SIPA1L3: variants seen among roughly 807,000 people sequenced by gnomAD.
The protein encoded by SIPA1L3 is signal-induced proliferation-associated 1-like protein 3.
Under a neutral mutation model 150.1 loss-of-function variants are expected in SIPA1L3, and 59 were observed. The ratio of observed to expected loss-of-function variants is 0.39; its 90% CI spans 0.32 to 0.49. SIPA1L3 has a LOEUF of 0.49. Ranked by LOEUF, SIPA1L3 falls within the 20% of genes least tolerant of loss-of-function variation. The probability of loss-of-function intolerance (pLI) is 0.86; values close to 1 mark genes in which losing one functional copy is unlikely to be tolerated. For missense variants in SIPA1L3, 2,211 were observed against 2,489.5 expected, an observed-to-expected ratio of 0.89 and a Z score of 2.38; for synonymous variants, 1,070 against 1,077.6, an observed-to-expected ratio of 0.99 and a Z score of 0.14.
intron 6 of SIPA1L3, among the ~76,000 whole-genome samples, chr19:38,105,008 C>T (rs576864875): frequency 3.3e-5 from 5 of 152,192 alleles, no homozygotes; most frequent in African/African-American, 1.2e-4. Context: ...CTGGCACTGG[C>T]AGCTGTGGCC....
intron 1 of SIPA1L3, among the ~76,000 whole-genome samples, chr19:37,960,131 T>C (rs1046643634): frequency 6.6e-6 from 1 of 152,242 alleles, no homozygotes; most frequent in Admixed American, 6.5e-5. Context: ...TTTCTTATTG[T>C]AAATTGGAGT....
intron 4 of SIPA1L3, among the ~76,000 whole-genome samples, chr19:38,092,063 C>CAAA (rs58074748): frequency 3.1e-5 from 3 of 96,964 alleles, no homozygotes; most frequent in Admixed American, 1.2e-4. Flanking sequence ...GACTCCATCT[C>CAAA]AAAAAAAAAA....
At chr19:38,163,707 C>T (rs541746591) in intron 14 of SIPA1L3, among the ~76,000 whole-genome samples, 26 of 152,072 alleles carry the variant, frequency 1.7e-4, no homozygotes, top group South Asian at 4.2e-4. Context: ...CAGTATGTTC[C>T]GAGAATAGCA....
chr19:38,175,082 CACTAGCT>C (rs1175143328), intron 15 of SIPA1L3, among the ~76,000 whole-genome samples: 2 of 152,170 alleles, frequency 1.3e-5, no homozygotes, highest in African/African-American at 4.8e-5. Context: ...TCTTATCCCC[CACTAGCT>C]ACATCATTTC....
chr19:37,963,434 T>G (rs2046876907), intron 1 of SIPA1L3, among the ~76,000 whole-genome samples: 1 of 152,244 alleles, frequency 6.6e-6, no homozygotes. Context: ...TGCTGCTGGC[T>G]CCAGCCAGAT....
At chr19:38,083,357 T>C (rs1314336731) in intron 3 of SIPA1L3, among the ~76,000 whole-genome samples, 1 of 152,192 alleles carries the variant, frequency 6.6e-6, no homozygotes, top group African/African-American at 2.4e-5. Flanking sequence ...ACATATGGAC[T>C]TGGGGACAGC....
intron 1 of SIPA1L3, among the ~76,000 whole-genome samples, chr19:37,925,113 C>T (rs904727403): frequency 9.9e-5 from 15 of 151,810 alleles, no homozygotes; most frequent in Non-Finnish European, 1.8e-4. Context: ...TTTTACGTGA[C>T]TGGAAGCACA....
rs353408 is a variant in SIPA1L3 at position 37,953,150 on chromosome 19, C to T, written c.-379+45792C>T. Among the ~76,000 whole-genome samples, 162 of 152,306 alleles carry T rather than the reference C, an allele frequency of 1.1e-3. 2 individuals carry two copies. In the East Asian group the frequency reaches 0.015, roughly 14 times the overall value. Reference sequence around the variant, plus strand: ...GAGGCAGGAGAATGGCGTGAACCCGCATTCTCAGCTTACAATCCTATCCAT... The same window carrying T: ...GAGGCAGGAGAATGGCGTGAACCCGTATTCTCAGCTTACAATCCTATCCAT... On this transcript the variant is annotated intron_variant, in intron 1 of 21. Coordinates refer to ENST00000222345, the MANE Select transcript of SIPA1L3 (RefSeq NM_015073.3).
At chr19:38,065,834 C>CTAGCTATTTATTTATTTATTTATTTATT (rs1969563084) in intron 2 of SIPA1L3, among the ~76,000 whole-genome samples, 1 of 141,054 alleles carries the variant, frequency 7.1e-6, no homozygotes, top group African/African-American at 2.7e-5. Context: ...CTCTACCTTG[C>CTAGCTATTTATTTATTTATTTATTTATT]TATTTATTTA....
intron 1 of SIPA1L3, among the ~76,000 whole-genome samples, chr19:37,998,229 A>G (rs183984837): frequency 6.6e-6 from 1 of 152,338 alleles, no homozygotes; most frequent in East Asian, 1.9e-4. Flanking sequence ...TGTATCGCCT[A>G]GAGTCCCTCC....
intron 3 of SIPA1L3, among the ~76,000 whole-genome samples, chr19:38,083,624 A>T (rs1307270284): frequency 6.6e-6 from 1 of 152,190 alleles, no homozygotes; most frequent in East Asian, 1.9e-4. Context: ...AGGCAGGTGC[A>T]GTTTGAGTAC....
intron 4 of SIPA1L3, among the ~76,000 whole-genome samples, chr19:38,095,426 G>A (rs531589517): frequency 2.6e-5 from 4 of 152,270 alleles, no homozygotes; most frequent in Admixed American, 2.0e-4. Flanking sequence ...TACACCTGCC[G>A]CCCAGCACAG....
At chr19:38,044,142 G>A (rs1968995636) in intron 2 of SIPA1L3, among the ~76,000 whole-genome samples, 1 of 152,216 alleles carries the variant, frequency 6.6e-6, no homozygotes, top group Admixed American at 6.5e-5. Context: ...ACCAGCTGAG[G>A]GGTGAAGATA....
chr19:38,153,953 C>G (rs1971886759), intron 13 of SIPA1L3, among the ~76,000 whole-genome samples: 1 of 151,902 alleles, frequency 6.6e-6, no homozygotes, highest in South Asian at 2.1e-4. Context: ...AAGAAAAGAG[C>G]CTACATGATG....
chr19:38,081,506 G>T lies in SIPA1L3; in HGVS notation c.-60G>T, dbSNP rs1450121029. 20 of 1,473,278 alleles carry T rather than the reference G, an allele frequency of 1.4e-5. No individual in the cohort carries two copies. Among genetic ancestry groups the T allele is most frequent in the Non-Finnish European group, 1.8e-5 (20 of 1,095,662 alleles). The allele number at this position is 1,473,278 out of a possible 1,614,324, so 91.3% of individuals were successfully genotyped here. A position where few individuals can be genotyped will look rare whatever the true frequency, so the allele number is the denominator to read the frequency against. On this transcript the variant is annotated 5_prime_UTR_variant, in exon 3 of 22. Transcript: ENST00000222345. ...CCCTGAACAATGGCTGAGGGCTGGG[G>T]GACCCCATAGAGTGACACCACAGCG...
chr19:38,136,872 G>A (rs182479769), intron 10 of SIPA1L3, among the ~76,000 whole-genome samples: 9 of 152,364 alleles, frequency 5.9e-5, no homozygotes, highest in Non-Finnish European at 1.2e-4. Flanking sequence ...AGGTGGTTTG[G>A]TTGGATTTCA....
chr19:37,959,174 C>T (rs1025159101), intron 1 of SIPA1L3, among the ~76,000 whole-genome samples: 1 of 152,190 alleles, frequency 6.6e-6, no homozygotes, highest in African/African-American at 2.4e-5. Flanking sequence ...AATTCCACTC[C>T]TAGGTATATA....
At chr19:38,205,457 C>CAAA (rs763908720) in intron 21 of SIPA1L3, among the ~76,000 whole-genome samples, 2 of 75,438 alleles carry the variant, frequency 2.7e-5, no homozygotes, top group African/African-American at 4.4e-5. Context: ...AACCCAGTCT[C>CAAA]AAAAAAAAAA....
intron 1 of SIPA1L3, among the ~76,000 whole-genome samples, chr19:37,910,836 TC>T (rs2046371403): frequency 6.6e-6 from 1 of 152,340 alleles, no homozygotes; most frequent in Admixed American, 6.5e-5. Flanking sequence ...CCTCAGGTGA[TC>T]CACCCACCTT....
Sources: gnomAD v4.1 joint callset for allele counts (sites outside exome capture counted in the v4.1 genomes callset) on GRCh38, gnomAD v4.1.1 for gene constraint, MANE v1.5 for transcripts, NCBI Gene and HGNC (gene_info 2026-07-23, HGNC 2026-07-21) for gene names.